Variants in DMD observed in about 807,000 individuals in gnomAD.
The protein encoded by DMD is mutant dystrophin.
A neutral mutation model predicts 330.1 loss-of-function variants in DMD; 63 were observed. The ratio of observed to expected loss-of-function variants is 0.19; its 90% confidence interval spans 0.16 to 0.24. The LOEUF (loss-of-function observed/expected upper bound fraction) is 0.24, where lower values mean the gene tolerates loss of function less well. DMD is among the 10% of genes least tolerant of loss of function. The pLI is 1.00. For missense variants in DMD, 3,344 were observed against 2,684.1 expected (o/e 1.25, Z -5.43); for synonymous variants, 1,223 against 959.8 (o/e 1.27, Z -5.07).
rs751122307 is a variant in DMD at position 32,054,362 on chromosome X, G to T, written c.6439-85848C>A. Among the ~76,000 whole-genome samples the T allele has an allele frequency of 3.5e-3, 198 of 56,569 alleles. 2 individuals carry two copies. Among genetic ancestry groups the T allele is most frequent in the African/African-American group, 0.014 (180 of 12,968 alleles). The allele number at this position is 56,569 out of a possible 115,157, so 49.1% of individuals were successfully genotyped here. ...TCCACCCTCCCCCCACCCCACAACA[G>T]GCCCCGGTGTGTGATGTTCCCCTTC... On this transcript the variant is annotated intron_variant, in intron 44 of 78. Transcript: ENST00000357033.
At chrX:31,346,635 T>C (rs186048711) in intron 61 of DMD, among the ~76,000 whole-genome samples, 1 of 111,053 alleles carries the variant, frequency 9.0e-6, no homozygotes, top group Admixed American at 9.7e-5. Flanking sequence ...CAAGGTTATT[T>C]CTCTTAGTAT....
chrX:32,394,455 C>T (rs192560841), intron 30 of DMD, among the ~76,000 whole-genome samples: 3 of 112,081 alleles, frequency 2.7e-5, no homozygotes, highest in East Asian at 5.6e-4. Context: ...ATGAAGTTTT[C>T]TTATCTGAGA....
At chrX:32,821,322 T>C (rs5928079) in intron 5 of DMD, among the ~76,000 whole-genome samples, 5 of 111,177 alleles carry the variant, frequency 4.5e-5, no homozygotes, top group Non-Finnish European at 9.4e-5. Context: ...CAGTGGCTCA[T>C]GCCTGCAATC....
At chrX:32,988,094 TTG>T in intron 2 of DMD, among the ~76,000 whole-genome samples, 1 of 111,161 alleles carries the variant, frequency 9.0e-6, no homozygotes, top group East Asian at 2.8e-4. Context: ...ATGGGTGTAC[TTG>T]TGTGTGTGCA....
intron 30 of DMD, among the ~76,000 whole-genome samples, chrX:32,399,575 C>T (rs1312178360): frequency 9.0e-6 from 1 of 110,790 alleles, no homozygotes; most frequent in African/African-American, 3.3e-5. Context: ...ATAAAACAAG[C>T]AATAACAAAT....
Position 32,040,163 on chromosome X carries a change from C to T in DMD, c.6439-71649G>A, listed in dbSNP as rs1347285521. On this transcript the variant is annotated intron_variant, in intron 44 of 78. Transcript: ENST00000357033. ...ACGCATATTATTGGGCATGTACATT[C>T]CACTTTGGTAACAACTGACCTAGAT... Among the ~76,000 whole-genome samples, 4 of 111,937 alleles carry T rather than the reference C, an allele frequency of 3.6e-5. No individual in the cohort carries two copies. The East Asian group carries it at 1.1e-3, about 31-fold the overall frequency.
rs750413858 is a variant in DMD at position 32,730,297 on chromosome X, G to A, written c.650-31004C>T. ...GAGTTGGAGGCCTGTGGTAAGCTAC[G>A]ACTGTGCTAGTGCACTCCAGCCTGG... On this transcript the variant is annotated intron_variant, in intron 7 of 78. Coordinates refer to ENST00000357033, the MANE Select transcript of DMD (RefSeq NM_004006.3). 1.2e-4 allele frequency among the ~76,000 whole-genome samples: 14 copies of A among 112,506 alleles called. No individual in the cohort carries two copies. In the East Asian group the frequency reaches 2.8e-3, roughly 22 times the overall value.
chrX:31,683,278 C>T (rs2082484757), intron 52 of DMD, among the ~76,000 whole-genome samples: 2 of 112,195 alleles, frequency 1.8e-5, no homozygotes, highest in Non-Finnish European at 1.9e-5. Context: ...CTGTTAGACA[C>T]CAGCCATTAT....
chrX:31,190,743 G>A (rs1442829989), intron 67 of DMD, among the ~76,000 whole-genome samples: 1 of 109,305 alleles, frequency 9.1e-6, no homozygotes, highest in African/African-American at 3.3e-5. Flanking sequence ...AGCATCAGTA[G>A]CACCAAGGTT....
chrX:32,571,008 T>G (rs1167467884), intron 15 of DMD, among the ~76,000 whole-genome samples: 2 of 111,843 alleles, frequency 1.8e-5, no homozygotes, highest in East Asian at 5.6e-4. Flanking sequence ...TCAGATGCTT[T>G]GCTATAACTT....
intron 13 of DMD, among the ~76,000 whole-genome samples, chrX:32,580,434 T>C (rs1268359970): frequency 8.9e-6 from 1 of 112,208 alleles, no homozygotes; most frequent in Non-Finnish European, 1.9e-5. Context: ...AACTTTGTAA[T>C]ATCTGTGAAC....
chrX:32,689,067 G>A (rs1245683331), intron 9 of DMD, among the ~76,000 whole-genome samples: 1 of 110,635 alleles, frequency 9.0e-6, no homozygotes, highest in Non-Finnish European at 1.9e-5. Context: ...TACATGCTAG[G>A]CATTTAACAT....
At chrX:32,205,906 T>C in intron 44 of DMD, 2 of 343,115 alleles carry the variant, frequency 5.8e-6, no homozygotes, top group Non-Finnish European at 1.1e-5. Context: ...TGGACGATGA[T>C]GGACATGAGT....
intron 1 of DMD, among the ~76,000 whole-genome samples, chrX:33,050,073 T>C (rs1424706963): frequency 8.9e-6 from 1 of 111,747 alleles, no homozygotes; most frequent in Non-Finnish European, 1.9e-5. Context: ...TTGGTTTAGT[T>C]TTTTTTTCCA....
chrX:32,923,592 TTATC>T (rs1365154707), intron 2 of DMD, among the ~76,000 whole-genome samples: 1 of 110,951 alleles, frequency 9.0e-6, no homozygotes, highest in East Asian at 2.8e-4. Flanking sequence ...AAAATCAACT[TTATC>T]TATGCTTTGC....
chrX:31,692,175 A>G (rs1229876398), intron 52 of DMD, among the ~76,000 whole-genome samples: 1 of 112,108 alleles, frequency 8.9e-6, no homozygotes. Flanking sequence ...TATTGGGTCA[A>G]AAGAAGAAAT....
intron 12 of DMD, among the ~76,000 whole-genome samples, chrX:32,608,333 C>A (rs2056900696): frequency 1.8e-5 from 2 of 110,438 alleles, no homozygotes; most frequent in Admixed American, 9.7e-5. Context: ...GAATATCATG[C>A]ACATACTACT....
chrX:31,347,140 A>T (rs949797488), intron 61 of DMD, among the ~76,000 whole-genome samples: 6 of 106,596 alleles, frequency 5.6e-5, no homozygotes. Context: ...TTACATATTT[A>T]TGAGGTAATG....
At chrX:32,623,426 T>A (rs2058128965) in intron 11 of DMD, among the ~76,000 whole-genome samples, 1 of 111,871 alleles carries the variant, frequency 8.9e-6, no homozygotes, top group Non-Finnish European at 1.9e-5. Flanking sequence ...GGTTAACCTC[T>A]GGGTTAAAAT....
Sources: gnomAD v4.1 joint callset for allele counts (sites outside exome capture counted in the v4.1 genomes callset) on GRCh38, gnomAD v4.1.1 for gene constraint, MANE v1.5 for transcripts, NCBI Gene and HGNC (gene_info 2026-07-23, HGNC 2026-07-21) for gene names.